The following EML2 variants were observed in gnomAD, a reference collection of about 807,000 sequenced individuals.
EML2 encodes EMAP like 2, also known as echinoderm microtubule-associated protein-like 2.
EML2 carries 59 observed loss-of-function variants against 84.7 expected under a neutral mutation model. The ratio of observed to expected loss-of-function variants is 0.70; its 90% CI spans 0.56 to 0.86. The LOEUF is 0.86. Among genes scored for constraint, EML2 ranks in the 40% least tolerant of loss-of-function variants. The pLI is 0.00. For synonymous variants in EML2, 352 were observed against 348.9 expected, an observed-to-expected ratio of 1.01 and a Z score of -0.10; for missense variants, 818 against 855.6, an observed-to-expected ratio of 0.96 and a Z score of 0.55.
intron 4 of EML2, 133 bp from the exon 5 acceptor site, chr19:45,633,272 T>A: frequency 1.1e-6 from 1 of 870,396 alleles, no homozygotes. Flanking sequence ...TTAATAGCAG[T>A]GAGCGGATGC....
chr19:45,616,570 G>A lies in EML2; in HGVS notation c.1412-12C>T. On this transcript the variant is annotated splice_polypyrimidine_tract_variant and intron_variant, in intron 14 of 18. Transcript: ENST00000245925. The stretch of plus-strand genomic sequence containing the variant: ...CAGGTACGCCCCGTCTGGGGGAGGG[G>A]GAGGGGGGCTATGAGGAGGCACCCA... 1.2e-6 allele frequency: 2 copies of A among 1,603,408 alleles called. No homozygotes were observed. The highest frequency in any genetic ancestry group is 4.5e-5 in the East Asian group (2 of 44,712).
rs757138580 is a variant in EML2, at chr19:45,638,622, A to C, written c.62T>G (p.Val21Gly). 1.2e-6 allele frequency: 2 copies of C among 1,613,864 alleles called. No homozygotes were observed. The highest frequency in any genetic ancestry group is 2.2e-5 in the South Asian group (2 of 91,082). Reference protein sequence around the residue: ...EVIFSVEDGSVKMFLRGRPVP... With the variant: ...EVIFSVEDGSGKMFLRGRPVP... ...AGGGCGGCCCCTCAGGAACATTTTC[A>C]CGGAGCCATCCTCTGCCAGGACACC... Residue 21 changes from valine to glycine, a missense_variant, in exon 3 of 19, where the codon GTG (valine) becomes GGG (glycine). Physicochemically the swap from Val to Gly is moderately radical, Grantham distance 109. Coordinates refer to ENST00000245925, the MANE Select transcript of EML2 (RefSeq NM_012155.4).
In EML2 at chr19:45,615,802, A is replaced by G. The variant is rs1463149980; in HGVS notation, c.1597T>C (p.Trp533Arg). The change falls in exon 16 of 19, where the codon TGG becomes CGG. Residue 533 changes from tryptophan to arginine, a missense_variant and splice_region_variant. Transcript: ENST00000245925. ...TNSGDYEILY[W>R]DPATCKQITS... is the part of the protein sequence containing the mutation. ...TGTCTCTGGGTCCCGGAGAACTCAC[A>G]GTACAGAATCTCATAGTCCCCGGAG... is the stretch of plus-strand genomic sequence containing the variant. 1 of 1,612,720 alleles carries G rather than the reference A, an allele frequency of 6.2e-7. No homozygotes were observed. Among genetic ancestry groups the G allele is most frequent in the Non-Finnish European group, 8.5e-7 (1 of 1,178,940 alleles).
upstream of EML2, chr19:45,642,934 C>T (rs1974699037): frequency 1.4e-5 from 2 of 145,538 alleles, no homozygotes; most frequent in South Asian, 4.3e-4. Flanking sequence ...TGCCGTGAGC[C>T]AAGATCGCGC....
At chr19:45,618,224 C>T (rs909999904) in intron 12 of EML2, among the ~76,000 whole-genome samples, 5 of 150,490 alleles carry the variant, frequency 3.3e-5, no homozygotes, top group East Asian at 1.9e-4. Flanking sequence ...CCACCACGCC[C>T]GGCTAATTTT....
chr19:45,630,026 A>C lies in EML2; in HGVS notation c.531T>G (p.Cys177Trp). ...FSKSNGGNLL[C>W]AVDESNDHML... is the part of the protein sequence containing the mutation. Reference sequence around the variant, plus strand: ...TGTGATCATTGGATTCATCCACTGCACACAGCAGGTTGCCTCCATTCTAAA... The same window carrying C: ...TGTGATCATTGGATTCATCCACTGCCCACAGCAGGTTGCCTCCATTCTAAA... Residue 177 changes from cysteine to tryptophan, a missense_variant, in exon 7 of 19, where the codon TGT (cysteine) becomes TGG (tryptophan). Coordinates refer to ENST00000245925, the MANE Select transcript of EML2 (RefSeq NM_012155.4). 1.9e-6 allele frequency: 3 copies of C among 1,612,890 alleles called. No individual in the cohort carries two copies. The highest frequency in any genetic ancestry group is 1.1e-5 in the South Asian group (1 of 91,036).
At chr19:45,611,781 C>T (rs1010164574) in intron 18 of EML2, among the ~76,000 whole-genome samples, 13 of 152,146 alleles carry the variant, frequency 8.5e-5, no homozygotes, top group Non-Finnish European at 1.6e-4. Context: ...AGCCACCGGG[C>T]CTGGCCAGAA....
At chr19:45,633,268 G>A (rs1240414406) in intron 4 of EML2, 129 bp from the exon 5 acceptor site, 9 of 896,314 alleles carry the variant, frequency 1.0e-5, no homozygotes, top group Non-Finnish European at 1.4e-5. Flanking sequence ...TGCATTAATA[G>A]CAGTGAGCGG....
At chr19:45,644,928 G>T, upstream of EML2, 1 of 438,376 alleles carries the variant, frequency 2.3e-6, no homozygotes, top group South Asian at 1.8e-5. Context: ...GGAGATAGGG[G>T]AGCATTCCAG....
upstream of EML2, chr19:45,645,228 C>T: frequency 2.6e-6 from 4 of 1,523,960 alleles, no homozygotes; most frequent in African/African-American, 1.4e-5. Flanking sequence ...AGAGATGGGT[C>T]CAGCCTTGGG....
At chr19:45,642,559 C>T (rs1042680612), upstream of EML2, 12 of 1,365,792 alleles carry the variant, frequency 8.8e-6, no homozygotes, top group Non-Finnish European at 1.1e-5. Flanking sequence ...CATCCGCACA[C>T]TCCTCTCTGC....
intron 4 of EML2, among the ~76,000 whole-genome samples, chr19:45,634,089 G>T (rs528767352): frequency 6.6e-6 from 1 of 152,182 alleles, no homozygotes; most frequent in African/African-American, 2.4e-5. Context: ...GACCATAAGG[G>T]CTTACCACCA....
rs1600077511 is a variant in EML2 at position 45,614,687 on chromosome 19, G to A, written c.1611C>T (p.Thr537=). 1.2e-6 allele frequency: 2 copies of A among 1,613,844 alleles called. No individual in the cohort carries two copies. Among genetic ancestry groups the A allele is most frequent in the African/African-American group, 1.3e-5 (1 of 74,928 alleles). Residue 537 remains threonine, a synonymous_variant, in exon 17 of 19, where the codon ACC becomes ACT. Coordinates refer to ENST00000245925, the MANE Select transcript of EML2 (RefSeq NM_012155.4). ...DYEILYWDPA[T]CKQITSADAV... is the part of the protein sequence containing the mutation. The stretch of plus-strand genomic sequence containing the variant: ...CATCCGCACTGGTGATCTGCTTACA[G>A]GTAGCCGGGTCCCCTGGGGCAGAAA...
At chr19:45,641,690 G>A (rs1244882896), upstream of EML2, 1 of 1,536,140 alleles carries the variant, frequency 6.5e-7, no homozygotes, top group African/African-American at 1.4e-5. Context: ...GTCCGGCTGC[G>A]GGGGTCCTCA....
rs113810892 is a variant in EML2, at chr19:45,614,582, A to T, written c.1693+23T>A. 218 of 1,600,160 alleles carry T rather than the reference A, an allele frequency of 1.4e-4. No homozygotes were observed. In the African/African-American group the frequency reaches 2.4e-3, roughly 18 times the overall value. Reference sequence around the variant, plus strand: ...TCTCAGAACTACTGTCCTCAGTGAGACCTCTCTCATTCCAGAACTCACCAA... The same window carrying T: ...TCTCAGAACTACTGTCCTCAGTGAGTCCTCTCTCATTCCAGAACTCACCAA... On this transcript the variant is annotated intron_variant, in intron 17 of 18. Coordinates refer to ENST00000245925, the MANE Select transcript of EML2 (RefSeq NM_012155.4).
At chr19:45,644,066 T>C (rs920267203), upstream of EML2, among the ~76,000 whole-genome samples, 1 of 152,258 alleles carries the variant, frequency 6.6e-6, no homozygotes, top group Non-Finnish European at 1.5e-5. Context: ...CCATTAATTA[T>C]ACGACCAGAA....
Position 45,609,576 on chromosome 19 carries a change from A to G in EML2, c.*87T>C. ...CCATAACCCCCTCTGCTATAGACATACTCTGGGTATATATTACTCTACTCG... is the reference window on the plus strand; with the variant it reads ...CCATAACCCCCTCTGCTATAGACATGCTCTGGGTATATATTACTCTACTCG... On this transcript the variant is annotated 3_prime_UTR_variant, in exon 19 of 19. Transcript: ENST00000245925. The G allele has an allele frequency of 2.1e-6, 3 of 1,425,180 alleles. No homozygotes were observed. The highest frequency in any genetic ancestry group is 1.9e-6 in the Non-Finnish European group (2 of 1,077,104). The allele number at this position is 1,425,180 out of a possible 1,614,324, so 88.3% of individuals were successfully genotyped here.
intron 3 of EML2, among the ~76,000 whole-genome samples, chr19:45,635,890 G>A (rs945044695): frequency 1.3e-5 from 2 of 151,480 alleles, no homozygotes; most frequent in Admixed American, 6.6e-5. Context: ...CCGCGCCCGG[G>A]CTATGTCTGT....
upstream of EML2, chr19:45,645,292 C>T: frequency 6.5e-7 from 1 of 1,533,644 alleles, no homozygotes; most frequent in Non-Finnish European, 8.7e-7. Context: ...ATCGCAGCAG[C>T]GAGGACGTGT....
Sources: gnomAD v4.1 joint callset for allele counts (sites outside exome capture counted in the v4.1 genomes callset) on GRCh38, gnomAD v4.1.1 for gene constraint, MANE v1.5 for transcripts, NCBI Gene and HGNC (gene_info 2026-07-23, HGNC 2026-07-21) for gene names.